GRK4: variants seen among roughly 807,000 people sequenced by gnomAD.
GRK4 encodes G protein-coupled receptor kinase 2-like.
A neutral mutation model predicts 77.9 loss-of-function variants in GRK4; 73 were observed. The observed-to-expected ratio is 0.94, with a 90% CI of 0.78 to 1.14. The LOEUF (loss-of-function observed/expected upper bound fraction) is 1.14. Among genes scored for constraint, GRK4 ranks in the 50% most tolerant of loss-of-function variants. The probability of loss-of-function intolerance (pLI) is 0.00; values close to 1 mark genes in which losing one functional copy is unlikely to be tolerated. For missense variants in GRK4, 729 were observed against 700.2 expected (o/e 1.04, Z -0.46); for synonymous variants, 257 against 254.4 (o/e 1.01, Z -0.10).
intron 1 of GRK4, among the ~76,000 whole-genome samples, chr4:2,982,426 C>T (rs1443304960): frequency 1.3e-5 from 2 of 152,204 alleles, no homozygotes; most frequent in South Asian, 4.1e-4. Flanking sequence ...TTGGGAGAAG[C>T]CAGGGAACAA....
chr4:2,985,525 G>C (rs1263966171), intron 2 of GRK4, among the ~76,000 whole-genome samples: 1 of 151,702 alleles, frequency 6.6e-6, no homozygotes, highest in Non-Finnish European at 1.5e-5. Flanking sequence ...GGGCAACATA[G>C]TGAGACCTGT....
At chr4:3,030,278 C>T (rs1738779497) in intron 12 of GRK4, among the ~76,000 whole-genome samples, 1 of 152,176 alleles carries the variant, frequency 6.6e-6, no homozygotes, top group African/African-American at 2.4e-5. Context: ...GACCTGGTCC[C>T]TGGTCCCAGA....
intron 5 of GRK4, among the ~76,000 whole-genome samples, chr4:3,006,067 G>T (rs894822284): frequency 6.6e-6 from 1 of 151,876 alleles, no homozygotes; most frequent in Non-Finnish European, 1.5e-5. Flanking sequence ...AGAGTAAATG[G>T]ATTAGAGTAA....
At chr4:3,029,157 A>T in intron 11 of GRK4, 44 bp from the exon 12 acceptor site, 1 of 1,482,024 alleles carries the variant, frequency 6.7e-7, no homozygotes, top group Non-Finnish European at 9.4e-7. Flanking sequence ...AAAATTTAAA[A>T]TCAAAATTTA....
At chr4:2,989,038 C>T (rs183852085) in intron 3 of GRK4, among the ~76,000 whole-genome samples, 199 bp downstream of exon 3, 41 of 152,160 alleles carry the variant, frequency 2.7e-4, no homozygotes, top group Non-Finnish European at 4.0e-4. Context: ...AAAAGTTAGC[C>T]GGGCGTGGTG....
chr4:2,980,747 A>G (rs1279137607), intron 1 of GRK4, among the ~76,000 whole-genome samples: 1 of 152,156 alleles, frequency 6.6e-6, no homozygotes. Flanking sequence ...TGCCACTGTC[A>G]CAGGATCCTT....
Position 2,990,792 on chromosome 4 carries a change from G to A in GRK4, c.262-1423G>A, listed in dbSNP as rs144743017. ...GTCATGATACCTGTCGTTATGAGGT[G>A]ACAGCTATGTGACTGCAGTTACAGG... On this transcript the variant is annotated intron_variant, in intron 3 of 15. Transcript: ENST00000398052. Among the ~76,000 whole-genome samples, 9 of 152,328 alleles carry A rather than the reference G, an allele frequency of 5.9e-5. No individual in the cohort carries two copies. The East Asian group carries it at 1.7e-3, about 29-fold the overall frequency.
At chr4:2,966,509 G>A (rs1577904343) in intron 1 of GRK4, 2 of 152,204 alleles carry the variant, frequency 1.3e-5, no homozygotes, top group Admixed American at 1.3e-4. Context: ...TTGAGTGAGA[G>A]TATTTGCTCC....
At chr4:3,014,055 T>G (rs533868603) in intron 8 of GRK4, among the ~76,000 whole-genome samples, 1 of 152,286 alleles carries the variant, frequency 6.6e-6, no homozygotes, top group East Asian at 1.9e-4. Flanking sequence ...TGCTTCTAAC[T>G]TCTGGTTTGT....
At chr4:2,983,624 C>G (rs532730666) in intron 1 of GRK4, among the ~76,000 whole-genome samples, 4 of 152,120 alleles carry the variant, frequency 2.6e-5, no homozygotes, top group Non-Finnish European at 5.9e-5. Flanking sequence ...CAAAACAGCA[C>G]CTTCCACCTT....
At chr4:2,965,587 T>TA (rs1303410339) in intron 1 of GRK4, 29 of 643,018 alleles carry the variant, frequency 4.5e-5, no homozygotes, top group Non-Finnish European at 6.8e-5. Context: ...GCCACGCTTG[T>TA]AGTCCCAGCT....
In GRK4 at chr4:2,965,378, T is replaced by G. The variant is rs763665731; in HGVS notation, c.52+1256T>G. The G allele has an allele frequency of 8.5e-5, 60 of 702,948 alleles. No individual in the cohort carries two copies. In the African/African-American group the frequency reaches 1.0e-3, roughly 12 times the overall value. The allele number at this position is 702,948 out of a possible 1,614,324, so 43.5% of individuals were successfully genotyped here. Reference sequence around the variant, plus strand: ...TCTCAAGAGAGCTGGCGACAGAGCCTCGGACCTCAAGTCCCTGTGCTAGCC... The same window carrying G: ...TCTCAAGAGAGCTGGCGACAGAGCCGCGGACCTCAAGTCCCTGTGCTAGCC... On this transcript the variant is annotated intron_variant, in intron 1 of 15. Coordinates refer to ENST00000398052, the MANE Select transcript of GRK4 (RefSeq NM_182982.3).
chr4:3,020,972 A>AT (rs1215012664), intron 9 of GRK4, among the ~76,000 whole-genome samples: 1 of 151,918 alleles, frequency 6.6e-6, no homozygotes, highest in Non-Finnish European at 1.5e-5. Context: ...AATTGGGAGG[A>AT]TGTGTGTAGG....
rs145434808 is a variant in GRK4, at chr4:2,990,049, A to T, written c.261+1210A>T. ...TTATATGTGGACATATATGTCTTAT[A>T]TCATTGAGTTTGGATTTGATTTTCC... On this transcript the variant is annotated intron_variant, in intron 3 of 15. Coordinates refer to ENST00000398052, the MANE Select transcript of GRK4 (RefSeq NM_182982.3). Among the ~76,000 whole-genome samples, 167 of 152,210 alleles carry T rather than the reference A, an allele frequency of 1.1e-3. 1 individual carries two copies. Among genetic ancestry groups the T allele is most frequent in the Admixed American group, 3.5e-3 (54 of 15,274 alleles).
intron 1 of GRK4, among the ~76,000 whole-genome samples, chr4:2,983,204 C>A (rs1723330958): frequency 6.6e-6 from 1 of 152,238 alleles, no homozygotes; most frequent in African/African-American, 2.4e-5. Context: ...TACCCATCTT[C>A]CAAATGTCTG....
intron 10 of GRK4, among the ~76,000 whole-genome samples, chr4:3,024,415 A>G (rs1736878419): frequency 6.6e-6 from 1 of 152,146 alleles, no homozygotes; most frequent in South Asian, 2.1e-4. Flanking sequence ...GGCATGCACC[A>G]CCACATCCAG....
intron 4 of GRK4, among the ~76,000 whole-genome samples, chr4:3,003,482 T>C (rs1339071690): frequency 6.6e-6 from 1 of 151,538 alleles, no homozygotes; most frequent in African/African-American, 2.4e-5. Flanking sequence ...TGAGTCACCA[T>C]GCCGGCCGTG....
At chr4:3,035,666 C>A in intron 13 of GRK4, 143 bp downstream of exon 13, 1 of 888,680 alleles carries the variant, frequency 1.1e-6, no homozygotes, top group Non-Finnish European at 1.7e-6. Flanking sequence ...TCAAGTGGTC[C>A]TCCACCTTGG....
chr4:2,995,868 G>C (rs775628877), intron 4 of GRK4, among the ~76,000 whole-genome samples: 3 of 152,062 alleles, frequency 2.0e-5, no homozygotes, highest in Non-Finnish European at 2.9e-5. Context: ...ATGATCCACT[G>C]ATCATTGGCT....
Sources: allele counts gnomAD v4.1 joint callset (sites outside exome capture counted in the v4.1 genomes callset), GRCh38; gene constraint gnomAD v4.1.1; transcripts MANE v1.5; gene names NCBI Gene and HGNC (gene_info 2026-07-23, HGNC 2026-07-21).